The following DCUN1D4 variants were observed in gnomAD, a reference collection of about 807,000 sequenced individuals.
DCUN1D4 encodes the protein DCN1-like protein 4.
Under a neutral mutation model 47.9 loss-of-function variants are expected in DCUN1D4, and 22 were observed. The ratio of observed to expected loss-of-function variants is 0.46; its 90% CI spans 0.33 to 0.66. The LOEUF is 0.66. DCUN1D4 is among the 30% of genes least tolerant of loss of function. The pLI is 0.02. For synonymous variants in DCUN1D4, 121 were observed against 112.2 expected, an observed-to-expected ratio of 1.08 and a Z score of -0.50; for missense variants, 301 against 340.8, an observed-to-expected ratio of 0.88 and a Z score of 0.92.
intron 3 of DCUN1D4, among the ~76,000 whole-genome samples, chr4:51,866,395 GATGATGATGATGATGT>G (rs919909721): frequency 1.7e-4 from 20 of 118,732 alleles, no homozygotes; most frequent in African/African-American, 8.3e-4. Context: ...TGATGATGAT[GATGATGATGATGATGT>G]ATTTTTTCCT....
At chr4:51,868,426 C>T (rs1726320509) in intron 3 of DCUN1D4, among the ~76,000 whole-genome samples, 1 of 152,224 alleles carries the variant, frequency 6.6e-6, no homozygotes, top group Admixed American at 6.5e-5. Context: ...TTGCCTGTTA[C>T]CTTGTAAGTG....
intron 4 of DCUN1D4, among the ~76,000 whole-genome samples, chr4:51,875,695 C>T (rs1004189249): frequency 3.9e-5 from 6 of 152,192 alleles, no homozygotes; most frequent in Non-Finnish European, 7.4e-5. Context: ...TTTGTCTCGA[C>T]AGATTTCCCT....
At chr4:51,863,561 T>C (rs1725417207) in intron 2 of DCUN1D4, 54 bp downstream of exon 2, 3 of 1,579,246 alleles carry the variant, frequency 1.9e-6, no homozygotes, top group East Asian at 4.5e-5. Flanking sequence ...AGTCATTTTG[T>C]ATAAGTGTAT....
chr4:51,873,781 C>T (rs1333906888), intron 3 of DCUN1D4, among the ~76,000 whole-genome samples: 4 of 152,170 alleles, frequency 2.6e-5, no homozygotes, highest in Non-Finnish European at 5.9e-5. Context: ...TCATGTCAGA[C>T]TTCTGCTTAA....
intron 2 of DCUN1D4, 42 bp downstream of exon 2, chr4:51,863,549 G>A (rs1315240677): frequency 5.7e-6 from 9 of 1,583,894 alleles, no homozygotes; most frequent in Admixed American, 1.7e-5. Context: ...ACTGTTTGAA[G>A]TAGTCATTTT....
At chr4:51,889,329 A>G (rs1730059064) in intron 6 of DCUN1D4, among the ~76,000 whole-genome samples, 1 of 152,218 alleles carries the variant, frequency 6.6e-6, no homozygotes, top group Non-Finnish European at 1.5e-5. Flanking sequence ...CCTTGTCTGC[A>G]TTGATGGGCA....
the DCUN1D4 span, among the ~76,000 whole-genome samples, chr4:51,836,752 C>T: frequency 3.3e-5 from 5 of 152,204 alleles, no homozygotes; most frequent in African/African-American, 9.7e-5. Flanking sequence ...TCCCATCCTC[C>T]TCTTCCCTCC....
chr4:51,866,188 C>T (rs757127946), intron 3 of DCUN1D4, among the ~76,000 whole-genome samples: 15 of 152,114 alleles, frequency 9.9e-5, no homozygotes, highest in Non-Finnish European at 1.0e-4. Flanking sequence ...AACTCAAGGA[C>T]AGTCAAAAAC....
chr4:51,858,574 T>A (rs17576853), intron 1 of DCUN1D4, among the ~76,000 whole-genome samples: 6,948 of 152,350 alleles, frequency 0.046, 242 homozygotes, highest in Non-Finnish European at 0.075. Context: ...GCTGACCAGT[T>A]GCCCCTCTGT....
chr4:51,896,782 C>T (rs1560507714), intron 7 of DCUN1D4, among the ~76,000 whole-genome samples: 3 of 152,156 alleles, frequency 2.0e-5, no homozygotes, highest in Admixed American at 1.3e-4. Flanking sequence ...CAGTCCTTCT[C>T]CATGGAGATC....
intron 8 of DCUN1D4, among the ~76,000 whole-genome samples, chr4:51,906,452 G>T (rs1732906498): frequency 6.6e-6 from 1 of 152,140 alleles, no homozygotes; most frequent in Non-Finnish European, 1.5e-5. Flanking sequence ...CAATCATTTG[G>T]ATTCACTTCC....
At chr4:51,885,518 C>A (rs566777819) in intron 5 of DCUN1D4, among the ~76,000 whole-genome samples, 1 of 142,572 alleles carries the variant, frequency 7.0e-6, no homozygotes, top group South Asian at 2.2e-4. Flanking sequence ...ATGTGAAATG[C>A]GGGAGGAGTA....
intron 9 of DCUN1D4, among the ~76,000 whole-genome samples, chr4:51,911,881 C>A (rs931698931): frequency 6.6e-6 from 1 of 152,100 alleles, no homozygotes; most frequent in Non-Finnish European, 1.5e-5. Flanking sequence ...CTGCCCCAAG[C>A]CCTTCTAAAA....
At chr4:51,845,391 C>T (rs1381731881) in intron 1 of DCUN1D4, 5 of 596,558 alleles carry the variant, frequency 8.4e-6, no homozygotes, top group Non-Finnish European at 1.1e-5. Context: ...TAATATGTGA[C>T]GTCTTCAATT....
At chr4:51,878,425 G>A (rs1728024567) in intron 5 of DCUN1D4, among the ~76,000 whole-genome samples, 1 of 152,188 alleles carries the variant, frequency 6.6e-6, no homozygotes, top group Non-Finnish European at 1.5e-5. Context: ...AGCTCAAGCT[G>A]AAGGCTCTTT....
At chr4:51,899,977 A>G (rs1731852068) in intron 8 of DCUN1D4, among the ~76,000 whole-genome samples, 3 of 152,220 alleles carry the variant, frequency 2.0e-5, no homozygotes, top group African/African-American at 2.4e-5. Flanking sequence ...GTCACCATAC[A>G]TAGAGAATTT....
chr4:51,863,595 T>C, intron 2 of DCUN1D4, 75 bp from the exon 3 acceptor site: 1 of 1,578,798 alleles, frequency 6.3e-7, no homozygotes, highest in Non-Finnish European at 8.7e-7. Context: ...AGATTCTAGA[T>C]ATTAGGATAT....
intron 3 of DCUN1D4, among the ~76,000 whole-genome samples, chr4:51,872,774 CTT>C (rs1327825938): frequency 6.6e-6 from 1 of 152,184 alleles, no homozygotes; most frequent in Non-Finnish European, 1.5e-5. Flanking sequence ...CCAGCTGTCA[CTT>C]AATCTCTCTG....
intron 8 of DCUN1D4, among the ~76,000 whole-genome samples, chr4:51,906,657 G>T (rs1385853180): frequency 6.6e-6 from 1 of 152,170 alleles, no homozygotes; most frequent in Non-Finnish European, 1.5e-5. Flanking sequence ...GTAAGAATAA[G>T]AATATGATGG....
Sources: gnomAD v4.1 joint callset for allele counts (sites outside exome capture counted in the v4.1 genomes callset) on GRCh38, gnomAD v4.1.1 for gene constraint, MANE v1.5 for transcripts, NCBI Gene and HGNC (gene_info 2026-07-23, HGNC 2026-07-21) for gene names.